The following SLC43A2 variants were observed in gnomAD, a reference collection of about 807,000 sequenced individuals.
SLC43A2 encodes large neutral amino acids transporter small subunit 4.
Under a neutral mutation model 63.2 loss-of-function variants are expected in SLC43A2, and 38 were observed. The observed-to-expected ratio is 0.60, with a 90% confidence interval of 0.46 to 0.79. The LOEUF is 0.79. Among genes scored for constraint, SLC43A2 ranks in the 30% least tolerant of loss-of-function variants. The pLI, the probability that SLC43A2 is intolerant of heterozygous loss-of-function variation, is 0.00. For missense variants in SLC43A2, 644 were observed against 756.2 expected, an observed-to-expected ratio of 0.85 and a Z score of 1.74; for synonymous variants, 322 against 331.0, an observed-to-expected ratio of 0.97 and a Z score of 0.30.
chr17:1,593,264 C>T lies in SLC43A2; in HGVS notation c.517G>A (p.Gly173Ser), dbSNP rs761828600. Reference protein sequence around the residue: ...FTSLTLPNMFGDLRSTFIALM... With the variant: ...FTSLTLPNMFSDLRSTFIALM... The stretch of plus-strand genomic sequence containing the variant: ...GCAATAAACGTGGACCGAAGGTCGC[C>T]GAACATGTTGGGCAGCTGAGAGATA... The change falls in exon 6 of 14, where the codon GGC (glycine) becomes AGC (serine). Residue 173 changes from glycine (G) to serine (S), a missense_variant. Coordinates refer to ENST00000301335, the MANE Select transcript of SLC43A2 (RefSeq NM_152346.3). This position sits in a 1 kb window ranked among gnomAD's most constrained non-coding sequence, Gnocchi z 5.3. The T allele has an allele frequency of 3.7e-6, 6 of 1,613,794 alleles. No individual in the cohort carries two copies. In the Admixed American group the frequency reaches 6.7e-5, roughly 18 times the overall value.
intron 2 of SLC43A2, among the ~76,000 whole-genome samples, chr17:1,618,421 T>C (rs1907870456): frequency 6.6e-6 from 1 of 152,186 alleles, no homozygotes; most frequent in South Asian, 2.1e-4. Flanking sequence ...CAATAATGAA[T>C]AGCTACAAGT....
chr17:1,598,789 G>A (rs370053320), intron 5 of SLC43A2, among the ~76,000 whole-genome samples: 234 of 152,266 alleles, frequency 1.5e-3, no homozygotes, highest in Middle Eastern at 3.4e-3. Context: ...CAGAACCTGG[G>A]GAAGAGGCCG....
chr17:1,593,022 G>A lies in SLC43A2; in HGVS notation c.594+165C>T, dbSNP rs1195729994. On this transcript the variant is annotated intron_variant, in intron 6 of 13. Coordinates refer to ENST00000301335, the MANE Select transcript of SLC43A2 (RefSeq NM_152346.3). The surrounding 1 kb of genome is among the most constrained non-coding windows in gnomAD (Gnocchi z 5.3). ...TGATTCCCGTCCCCTGAGGCCCCGCGGTTTTCATTTGTCGCCCCTGTGATG... is the reference window on the plus strand; with the variant it reads ...TGATTCCCGTCCCCTGAGGCCCCGCAGTTTTCATTTGTCGCCCCTGTGATG... 1.3e-5 allele frequency among the ~76,000 whole-genome samples: 2 copies of A among 152,138 alleles called. No individual in the cohort carries two copies. The highest frequency in any genetic ancestry group is 1.9e-4 in the East Asian group (1 of 5,152).
At chr17:1,599,025 G>C (rs1017115192) in intron 5 of SLC43A2, among the ~76,000 whole-genome samples, 7 of 152,222 alleles carry the variant, frequency 4.6e-5, no homozygotes, top group Admixed American at 3.3e-4. Context: ...CTGACATCTT[G>C]TATTTTTAAT....
chr17:1,603,548 G>T lies in SLC43A2; in HGVS notation c.501+9647C>A, dbSNP rs572809629. Among the ~76,000 whole-genome samples, 31 of 152,158 alleles carry T rather than the reference G, an allele frequency of 2.0e-4. 1 individual carries two copies. Among genetic ancestry groups the T allele is most frequent in the African/African-American group, 7.0e-4 (29 of 41,476 alleles). ...ACCTGTAATCCCAGCACTTTGGGAGGCCGAGGCAGGGGATCACCTGAGGTC... is the reference window on the plus strand; with the variant it reads ...ACCTGTAATCCCAGCACTTTGGGAGTCCGAGGCAGGGGATCACCTGAGGTC... On this transcript the variant is annotated intron_variant, in intron 5 of 13. Transcript: ENST00000301335.
rs2076088983 is a variant in SLC43A2, at chr17:1,585,578, G to A, written c.1217+335C>T. On this transcript the variant is annotated intron_variant, in intron 10 of 13. Transcript: ENST00000301335. The stretch of plus-strand genomic sequence containing the variant: ...AAATTTTTTGTAGAGACGGGGAGTG[G>A]GGGCTGGCCATGTTTCCCAGGCTGG... 5.3e-6 allele frequency: 5 copies of A among 935,082 alleles called. No individual in the cohort carries two copies. In the Admixed American group the frequency reaches 1.5e-4, roughly 28 times the overall value. The allele number at this position is 935,082 out of a possible 1,614,324, so 57.9% of individuals were successfully genotyped here. A position where few individuals can be genotyped will look rare whatever the true frequency, so the allele number is the denominator to read the frequency against.
intron 5 of SLC43A2, among the ~76,000 whole-genome samples, chr17:1,600,647 A>G (rs2151058674): frequency 7.5e-6 from 1 of 132,906 alleles, no homozygotes; most frequent in African/African-American, 2.9e-5. Context: ...TCTGCCTCCC[A>G]GGTTCAAATG....
intron 6 of SLC43A2, among the ~76,000 whole-genome samples, 180 bp from the exon 7 acceptor site, chr17:1,591,879 C>T (rs957585805): frequency 6.6e-6 from 1 of 152,144 alleles, no homozygotes; most frequent in Non-Finnish European, 1.5e-5. Context: ...TTCCAGTCCT[C>T]CCACCGTGCC....
At chr17:1,591,026 C>A in intron 8 of SLC43A2, 78 bp from the exon 9 acceptor site, 1 of 1,482,420 alleles carries the variant, frequency 6.7e-7, no homozygotes, top group South Asian at 1.2e-5. Context: ...TCCCTCCACG[C>A]TGGAGGCCAG....
chr17:1,587,089 T>TGCCTTTCCCGCACC, intron 9 of SLC43A2: 2 of 1,010,262 alleles, frequency 2.0e-6, no homozygotes, highest in Non-Finnish European at 2.9e-6. Flanking sequence ...TTTCCCACAC[T>TGCCTTTCCCGCACC]GCGTTTCCCG....
intron 12 of SLC43A2, 24 bp from the exon 13 acceptor site, chr17:1,576,744 A>G: frequency 6.2e-7 from 1 of 1,605,182 alleles, no homozygotes; most frequent in Non-Finnish European, 8.5e-7. Context: ...GACAGCTCAC[A>G]GCCATCCTGC....
rs1458311161 is a variant in SLC43A2 at position 1,605,139 on chromosome 17, G to C, written c.501+8056C>G. Reference sequence around the variant, plus strand: ...AGGTGCTTCCCACAGCCCCCTCGCCGCCTCTGCCTCCGTGCGGGTCAACCT... The same window carrying C: ...AGGTGCTTCCCACAGCCCCCTCGCCCCCTCTGCCTCCGTGCGGGTCAACCT... On this transcript the variant is annotated intron_variant, in intron 5 of 13. Transcript: ENST00000301335. The surrounding 1 kb of genome is among the most constrained non-coding windows in gnomAD (Gnocchi z 4.9). 2 of 1,276,096 alleles carry C rather than the reference G, an allele frequency of 1.6e-6. No homozygotes were observed. The highest frequency in any genetic ancestry group is 7.8e-5 in the East Asian group (2 of 25,618). The allele number at this position is 1,276,096 out of a possible 1,614,324, so 79.0% of individuals were successfully genotyped here.
At chr17:1,604,756 C>T (rs527914946) in intron 5 of SLC43A2, 173 of 1,535,708 alleles carry the variant, frequency 1.1e-4, no homozygotes, top group Middle Eastern at 1.7e-4. Context: ...CTGTTGCCTT[C>T]GGCTGACCTC....
At position 1,616,696 on chromosome 17, in the gene SLC43A2, C is replaced by G. The variant is rs1242793594; in HGVS notation, c.234G>C (p.Trp78Cys). The G allele has an allele frequency of 2.5e-6, 4 of 1,614,030 alleles. No homozygotes were observed. Among genetic ancestry groups the G allele is most frequent in the Admixed American group, 1.7e-5 (1 of 60,004 alleles). The change falls in exon 3 of 14, where the codon TGG becomes TGC. Residue 78 changes from tryptophan (W) to cysteine (C), a missense_variant. By Grantham distance (215) the Trp-to-Cys change is radical (BLOSUM62 -2). Transcript: ENST00000301335. ...GHEEVSWMNG[W>C]LSCQAQDEML... ...TCTCGTCCTGGGCCTGGCAGCTGAG[C>G]CAGCCGTTCATCCAGCTCACCTCCT...
intron 11 of SLC43A2, among the ~76,000 whole-genome samples, chr17:1,580,617 A>T (rs1285547488): frequency 6.6e-6 from 1 of 151,898 alleles, no homozygotes; most frequent in Non-Finnish European, 1.5e-5. Flanking sequence ...GCTGGAGTGC[A>T]GTGGTGTGGT....
At chr17:1,597,723 T>C (rs1905447783) in intron 5 of SLC43A2, among the ~76,000 whole-genome samples, 1 of 150,584 alleles carries the variant, frequency 6.6e-6, no homozygotes, top group Admixed American at 6.6e-5. Context: ...CACTTGAACT[T>C]GGGAGGCAGA....
rs770029632 is a variant in SLC43A2, at chr17:1,591,462, G to A, written c.738C>T (p.Ile246=). 8 of 1,613,136 alleles carry A rather than the reference G, an allele frequency of 5.0e-6. No individual in the cohort carries two copies. The highest frequency in any genetic ancestry group is 6.8e-6 in the Non-Finnish European group (8 of 1,179,916). Residue 246 remains isoleucine, a synonymous_variant, in exon 8 of 14, where the codon ATC becomes ATT. Coordinates refer to ENST00000301335, the MANE Select transcript of SLC43A2 (RefSeq NM_152346.3). The part of the protein sequence containing the change: ...GPEDMDYSVK[I]KFSWLGFDHK... The stretch of plus-strand genomic sequence containing the variant: ...GGTCAAAGCCCAGCCAGCTGAACTT[G>A]ATCTTCACCCTGGGGCCCCGGGAGA...
chr17:1,593,070 G>A lies in SLC43A2; in HGVS notation c.594+117C>T. ...ATGCCCAGGTGCATCCTGCCCGGGT[G>A]GGGGTGGTGGAGAGGGGCCACCCCG... On this transcript the variant is annotated intron_variant, in intron 6 of 13. Coordinates refer to ENST00000301335, the MANE Select transcript of SLC43A2 (RefSeq NM_152346.3). The surrounding 1 kb of genome is among the most constrained non-coding windows in gnomAD (Gnocchi z 5.3). 1 of 890,300 alleles carries A rather than the reference G, an allele frequency of 1.1e-6. No homozygotes were observed. The allele number at this position is 890,300 out of a possible 1,614,324, so 55.2% of individuals were successfully genotyped here. A position where few individuals can be genotyped will look rare whatever the true frequency, so the allele number is the denominator to read the frequency against.
chr17:1,586,072 T>C, intron 9 of SLC43A2, 21 bp from the exon 10 acceptor site: 1 of 1,560,606 alleles, frequency 6.4e-7, no homozygotes, highest in Non-Finnish European at 8.7e-7. Flanking sequence ...AGGCGCTGCG[T>C]CATGGGGACG....
Sources: allele counts gnomAD v4.1 joint callset (sites outside exome capture counted in the v4.1 genomes callset), GRCh38; gene constraint gnomAD v4.1.1; non-coding constraint Gnocchi (gnomAD v3.1); transcripts MANE v1.5; gene names NCBI Gene and HGNC (gene_info 2026-07-23, HGNC 2026-07-21).